Variants in PTPRT observed in about 807,000 individuals in gnomAD.
PTPRT encodes the protein receptor-type tyrosine-protein phosphatase T.
PTPRT carries 56 observed loss-of-function variants against 176.8 expected under a neutral mutation model. That is an observed-to-expected ratio of 0.32 (90% CI 0.26 to 0.40). The LOEUF is 0.40. PTPRT is among the 10% of genes least tolerant of loss of function. PTPRT has a pLI of 1.00. For missense variants in PTPRT, 1,540 were observed against 1,908.2 expected (o/e 0.81, Z 3.60); for synonymous variants, 783 against 739.0 (o/e 1.06, Z -0.96).
chr20:43,019,282 T>C (rs571649181), intron 1 of PTPRT, among the ~76,000 whole-genome samples: 20 of 152,246 alleles, frequency 1.3e-4, no homozygotes, highest in African/African-American at 4.6e-4. Flanking sequence ...ACCCATCCCA[T>C]TTCTGCTAAA....
intron 13 of PTPRT, among the ~76,000 whole-genome samples, chr20:42,273,606 C>T (rs1342181668): frequency 2.0e-5 from 3 of 152,118 alleles, no homozygotes; most frequent in Non-Finnish European, 4.4e-5. Context: ...AAAGACCATC[C>T]AAATCTAAAG....
At chr20:42,464,631 A>C (rs1412103761) in intron 8 of PTPRT, among the ~76,000 whole-genome samples, 4 of 152,198 alleles carry the variant, frequency 2.6e-5, no homozygotes, top group African/African-American at 7.2e-5. Flanking sequence ...ATAATATCTC[A>C]AGACCATCTT....
chr20:43,007,416 G>A (rs1037460834), intron 1 of PTPRT, among the ~76,000 whole-genome samples: 2 of 152,084 alleles, frequency 1.3e-5, no homozygotes, highest in African/African-American at 4.8e-5. Flanking sequence ...AGCCATTTTT[G>A]CCTTCATGCG....
intron 2 of PTPRT, among the ~76,000 whole-genome samples, chr20:42,799,315 C>A (rs208238): frequency 1.3e-5 from 2 of 151,810 alleles, no homozygotes; most frequent in South Asian, 4.1e-4. Context: ...GTAAACTACA[C>A]GCAACCCCTA....
intron 8 of PTPRT, among the ~76,000 whole-genome samples, chr20:42,455,596 C>T (rs367936554): frequency 4.6e-5 from 7 of 152,008 alleles, no homozygotes; most frequent in Admixed American, 1.3e-4. Context: ...ATAAAATGTC[C>T]TCAATTCATT....
intron 1 of PTPRT, among the ~76,000 whole-genome samples, chr20:42,888,575 T>C (rs1283212565): frequency 6.6e-6 from 1 of 152,134 alleles, no homozygotes; most frequent in Non-Finnish European, 1.5e-5. Flanking sequence ...ATTAAATCCA[T>C]GGCAGCATAG....
At chr20:42,493,212 T>C (rs1296156338) in intron 7 of PTPRT, among the ~76,000 whole-genome samples, 2 of 152,188 alleles carry the variant, frequency 1.3e-5, no homozygotes, top group African/African-American at 2.4e-5. Context: ...TCCAAGAGTC[T>C]AGAAGCAAAT....
At chr20:42,521,030 A>G (rs893227016) in intron 7 of PTPRT, among the ~76,000 whole-genome samples, 1 of 151,582 alleles carries the variant, frequency 6.6e-6, no homozygotes, top group East Asian at 2.0e-4. Flanking sequence ...TAATCCATCC[A>G]TCCATCCATC....
At chr20:42,518,269 TTA>T (rs1377696309) in intron 7 of PTPRT, among the ~76,000 whole-genome samples, 1 of 152,046 alleles carries the variant, frequency 6.6e-6, no homozygotes, top group Non-Finnish European at 1.5e-5. Context: ...TTCCATGATT[TTA>T]TGTTTTAAGT....
chr20:42,820,082 T>A (rs1056458983), intron 2 of PTPRT, among the ~76,000 whole-genome samples: 1 of 152,288 alleles, frequency 6.6e-6, no homozygotes, highest in South Asian at 2.1e-4. Flanking sequence ...TAGACGTCTA[T>A]AGAATTCTCT....
intron 7 of PTPRT, among the ~76,000 whole-genome samples, chr20:42,578,466 T>C (rs1315653885): frequency 1.3e-5 from 2 of 152,132 alleles, no homozygotes; most frequent in Non-Finnish European, 2.9e-5. Flanking sequence ...GTCTAATAGA[T>C]AGCCAGCAAA....
At chr20:42,065,640 A>G in the PTPRT span, among the ~76,000 whole-genome samples, 1 of 152,230 alleles carries the variant, frequency 6.6e-6, no homozygotes, top group African/African-American at 2.4e-5. Flanking sequence ...AAAATGCTAG[A>G]GAGTCTCTCA....
At chr20:42,477,736 C>A (rs1157867978) in intron 7 of PTPRT, among the ~76,000 whole-genome samples, 1 of 152,158 alleles carries the variant, frequency 6.6e-6, no homozygotes, top group Non-Finnish European at 1.5e-5. Flanking sequence ...AGCCCACAGG[C>A]CAAGAAGATG....
chr20:42,182,239 A>C (rs1423531522), intron 16 of PTPRT, among the ~76,000 whole-genome samples: 1 of 152,216 alleles, frequency 6.6e-6, no homozygotes, highest in Non-Finnish European at 1.5e-5. Flanking sequence ...ATGGGAAGCC[A>C]ATAACGGATT....
At chr20:42,852,939 T>G (rs936643887) in intron 2 of PTPRT, among the ~76,000 whole-genome samples, 1 of 152,160 alleles carries the variant, frequency 6.6e-6, no homozygotes, top group Non-Finnish European at 1.5e-5. Context: ...GCTAGCATAC[T>G]TGAGGAGTCA....
At chr20:42,862,897 G>A (rs906017049) in intron 2 of PTPRT, among the ~76,000 whole-genome samples, 1 of 152,102 alleles carries the variant, frequency 6.6e-6, no homozygotes, top group African/African-American at 2.4e-5. Flanking sequence ...CAGGAAGCTT[G>A]GGCCCAGCTG....
intron 1 of PTPRT, among the ~76,000 whole-genome samples, chr20:43,164,753 T>C (rs1391182754): frequency 6.6e-6 from 1 of 152,254 alleles, no homozygotes; most frequent in Non-Finnish European, 1.5e-5. Flanking sequence ...GGCAGGGCTC[T>C]GCTCCAATAT....
Position 42,110,592 on chromosome 20 carries a change from C to G in PTPRT, c.3100-105G>C, listed in dbSNP as rs961639610. On this transcript the variant is annotated intron_variant, in intron 22 of 30. Transcript: ENST00000373187. The stretch of plus-strand genomic sequence containing the variant: ...TGCACTGAGGAACCTCCCGCAGGGA[C>G]AGGGCCCTCACAGTGTTTGTTAATA... 5 of 1,253,404 alleles carry G rather than the reference C, an allele frequency of 4.0e-6. No individual in the cohort carries two copies. The African/African-American group carries it at 7.5e-5, about 19-fold the overall frequency. The allele number at this position is 1,253,404 out of a possible 1,614,324, so 77.6% of individuals were successfully genotyped here. A position where few individuals can be genotyped will look rare whatever the true frequency, so the allele number is the denominator to read the frequency against.
At chr20:43,159,158 G>A (rs757344404) in intron 1 of PTPRT, among the ~76,000 whole-genome samples, 26 of 152,148 alleles carry the variant, frequency 1.7e-4, no homozygotes, top group Admixed American at 6.5e-4. Context: ...AACTCCACCA[G>A]GGCACCCTGA....
Sources: gnomAD v4.1 joint callset for allele counts (sites outside exome capture counted in the v4.1 genomes callset) on GRCh38, gnomAD v4.1.1 for gene constraint, MANE v1.5 for transcripts, NCBI Gene and HGNC (gene_info 2026-07-23, HGNC 2026-07-21) for gene names.